The following RAI14 variants were observed in gnomAD, a reference collection of about 807,000 sequenced individuals.
RAI14 encodes ankycorbin.
In RAI14, 45 loss-of-function variants were observed where a neutral mutation model predicts 115.4. That is an observed-to-expected ratio of 0.39 (90% CI 0.31 to 0.50). The LOEUF (loss-of-function observed/expected upper bound fraction) is 0.50, where lower values mean the gene tolerates loss of function less well. RAI14 is among the 20% of genes least tolerant of loss of function. RAI14 has a pLI of 0.85. For synonymous variants in RAI14, 371 were observed against 415.4 expected (o/e 0.89, Z 1.30); for missense variants, 939 against 1,131.2 (o/e 0.83, Z 2.44).
At chr5:34,790,728 T>A (rs1253640721) in intron 3 of RAI14, among the ~76,000 whole-genome samples, 2 of 149,228 alleles carry the variant, frequency 1.3e-5, no homozygotes, top group Non-Finnish European at 3.0e-5. Context: ...ATATATAAGA[T>A]GTATAGTGTG....
intron 7 of RAI14, among the ~76,000 whole-genome samples, chr5:34,810,063 T>C (rs1406810890): frequency 1.3e-5 from 2 of 152,226 alleles, no homozygotes; most frequent in Non-Finnish European, 2.9e-5. Flanking sequence ...AAGCAGAAAG[T>C]AGTATAACTT....
rs1757535284 is a variant in RAI14 at position 34,827,168 on chromosome 5, C to T, written c.2799+689C>T. On this transcript the variant is annotated intron_variant, in intron 16 of 17. Transcript: ENST00000265109. This position sits in a 1 kb window ranked among gnomAD's most constrained non-coding sequence, Gnocchi z 4.2. The stretch of plus-strand genomic sequence containing the variant: ...GGCCCCTTACTCCATCTTCGAGGCA[C>T]ATCACTCCAGCATCTGCTCAGTCTT... Among the ~76,000 whole-genome samples, 1 of 152,150 alleles carries T rather than the reference C, an allele frequency of 6.6e-6. No individual in the cohort carries two copies. The highest frequency in any genetic ancestry group is 6.5e-5 in the Admixed American group (1 of 15,272).
At chr5:34,811,159 AC>A in intron 8 of RAI14, 41 bp downstream of exon 8, 1 of 1,588,324 alleles carries the variant, frequency 6.3e-7, no homozygotes, top group Non-Finnish European at 8.6e-7. Flanking sequence ...CTTCAGTGAT[AC>A]CCACATTCTG....
At chr5:34,781,539 G>A (rs934763972) in intron 3 of RAI14, among the ~76,000 whole-genome samples, 10 of 152,148 alleles carry the variant, frequency 6.6e-5, no homozygotes, top group African/African-American at 2.4e-4. Flanking sequence ...TTTTACATCT[G>A]GACATTTAGG....
At chr5:34,686,354 T>TGGGGGGGGGGGGGGGGGGGGG (rs1744873244) in intron 1 of RAI14, 1 of 146,798 alleles carries the variant, frequency 6.8e-6, no homozygotes, top group South Asian at 2.3e-4. Context: ...GAGTGGGGGG[T>TGGGGGGGGGGGGGGGGGGGGG]TGGGGGAGGT....
rs192369651 is a variant in RAI14, at chr5:34,800,780, C to T, written c.257-2932C>T. The stretch of plus-strand genomic sequence containing the variant: ...TTATTTTATAGTAAGTTGTTTACAT[C>T]TCCCAACCATCTTGTCTTTGGAGAA... On this transcript the variant is annotated intron_variant, in intron 4 of 17. Coordinates refer to ENST00000265109, the MANE Select transcript of RAI14 (RefSeq NM_015577.3). Among the ~76,000 whole-genome samples, 78 of 152,306 alleles carry T rather than the reference C, an allele frequency of 5.1e-4. 1 individual carries two copies. Among genetic ancestry groups the T allele is most frequent in the African/African-American group, 1.7e-3 (71 of 41,570 alleles).
intron 3 of RAI14, among the ~76,000 whole-genome samples, chr5:34,762,080 T>A (rs768827607): frequency 6.6e-6 from 1 of 152,210 alleles, no homozygotes; most frequent in Non-Finnish European, 1.5e-5. Flanking sequence ...GTCTTTCCCA[T>A]TGTTCTAGGC....
chr5:34,758,721 TATAA>T (rs1373845930), intron 3 of RAI14, among the ~76,000 whole-genome samples: 1 of 152,218 alleles, frequency 6.6e-6, no homozygotes, highest in Non-Finnish European at 1.5e-5. Flanking sequence ...TGTCTGATTT[TATAA>T]ATAAAGTTTT....
At chr5:34,744,257 G>A (rs1483971755) in intron 2 of RAI14, among the ~76,000 whole-genome samples, 1 of 152,202 alleles carries the variant, frequency 6.6e-6, no homozygotes, top group Non-Finnish European at 1.5e-5. Flanking sequence ...ATGAATGAAT[G>A]TTTGAGTAGA....
rs1333039857 is a variant in RAI14 at position 34,812,210 on chromosome 5, T to TAAA, written c.765+3_765+4insAAA. ...AAGACCCCAACAAAACCAAAGCAGG[T>TAAA]ATTTATCTTTGGGGGAGGCTTCTAT... is the stretch of plus-strand genomic sequence containing the variant. On this transcript the variant is annotated splice_region_variant and intron_variant, in intron 10 of 17. Transcript: ENST00000265109. 6.3e-7 allele frequency: 1 copy of TAAA among 1,581,488 alleles called. No individual in the cohort carries two copies.
chr5:34,829,979 T>A lies in RAI14; in HGVS notation c.2865+182T>A, dbSNP rs570582661. The A allele has an allele frequency of 3.5e-5, 19 of 547,096 alleles. No individual in the cohort carries two copies. In the African/African-American group the frequency reaches 3.7e-4, roughly 11 times the overall value. The allele number at this position is 547,096 out of a possible 1,614,324, so 33.9% of individuals were successfully genotyped here. Reference sequence around the variant, plus strand: ...TCTGTGTCAGGAGCCTTGTGCCCTGTTTACCAGGAACAGCCCCATCTTTTA... The same window carrying A: ...TCTGTGTCAGGAGCCTTGTGCCCTGATTACCAGGAACAGCCCCATCTTTTA... On this transcript the variant is annotated intron_variant, in intron 17 of 17. Transcript: ENST00000265109.
At chr5:34,678,171 C>T (rs530152126) in intron 1 of RAI14, among the ~76,000 whole-genome samples, 3 of 151,734 alleles carry the variant, frequency 2.0e-5, no homozygotes, top group Non-Finnish European at 4.4e-5. Context: ...GATCTTGGCT[C>T]ACCGCAACCT....
intron 3 of RAI14, among the ~76,000 whole-genome samples, chr5:34,758,748 C>T (rs1034053702): frequency 1.3e-5 from 2 of 152,172 alleles, no homozygotes; most frequent in Non-Finnish European, 2.9e-5. Flanking sequence ...TGAAACACAG[C>T]CATACCCATT....
chr5:34,826,213 C>G lies in RAI14; in HGVS notation c.2650-117C>G, dbSNP rs1757428163. The G allele has an allele frequency of 1.1e-5, 10 of 906,436 alleles. No individual in the cohort carries two copies. The Admixed American group carries it at 2.8e-4, about 26-fold the overall frequency. 56.1% of individuals were successfully genotyped at this position (906,436 alleles called of 1,614,324 possible). A position where few individuals can be genotyped will look rare whatever the true frequency, so the allele number is the denominator to read the frequency against. On this transcript the variant is annotated intron_variant, in intron 15 of 17. Transcript: ENST00000265109. ...TAAATGTATTAAAAAGGAATTGTTC[C>G]AAAGTCTTAAGTCCCAGAGGCCAAA...
chr5:34,706,088 T>C (rs1299326427), intron 2 of RAI14, among the ~76,000 whole-genome samples: 1 of 152,236 alleles, frequency 6.6e-6, no homozygotes, highest in Non-Finnish European at 1.5e-5. Context: ...TTTTGGACTT[T>C]CTGTGTTTTT....
intron 2 of RAI14, among the ~76,000 whole-genome samples, chr5:34,710,715 C>A (rs1479383650): frequency 1.3e-5 from 2 of 152,290 alleles, no homozygotes; most frequent in Non-Finnish European, 2.9e-5. Context: ...GTGAGGATCT[C>A]CCTGCACCAT....
At chr5:34,712,253 A>C (rs1330370908) in intron 2 of RAI14, among the ~76,000 whole-genome samples, 1 of 152,168 alleles carries the variant, frequency 6.6e-6, no homozygotes, top group African/African-American at 2.4e-5. Flanking sequence ...AAATCACCTA[A>C]ATTCTGTCTT....
intron 3 of RAI14, among the ~76,000 whole-genome samples, chr5:34,764,616 A>G (rs1197644180): frequency 6.6e-6 from 1 of 152,030 alleles, no homozygotes; most frequent in Non-Finnish European, 1.5e-5. Flanking sequence ...TGTATATAAG[A>G]CTTGTACACA....
intron 2 of RAI14, among the ~76,000 whole-genome samples, chr5:34,751,489 T>C (rs1226353353): frequency 6.6e-6 from 1 of 152,224 alleles, no homozygotes; most frequent in African/African-American, 2.4e-5. Flanking sequence ...TATGGTTCCA[T>C]GTTTCCTGTT....
Sources: allele counts gnomAD v4.1 joint callset (sites outside exome capture counted in the v4.1 genomes callset), GRCh38; gene constraint gnomAD v4.1.1; non-coding constraint Gnocchi (gnomAD v3.1); transcripts MANE v1.5; gene names NCBI Gene and HGNC (gene_info 2026-07-23, HGNC 2026-07-21).